The following CIT variants were observed in gnomAD, a reference collection of about 807,000 sequenced individuals.
CIT encodes citron Rho-interacting kinase.
A neutral mutation model predicts 272.7 loss-of-function variants in CIT; 79 were observed. The ratio of observed to expected loss-of-function variants is 0.29; its 90% CI spans 0.24 to 0.35. CIT has a LOEUF of 0.35. Among genes scored for constraint, CIT ranks in the 10% least tolerant of loss-of-function variants. The pLI, the probability that CIT is intolerant of heterozygous loss-of-function variation, is 1.00. For missense variants in CIT, 1,909 were observed against 2,618.3 expected (o/e 0.73, Z 5.91); for synonymous variants, 948 against 995.6 (o/e 0.95, Z 0.90).
chr12:119,832,529 C>G (rs1458839179), intron 7 of CIT, among the ~76,000 whole-genome samples: 1 of 152,098 alleles, frequency 6.6e-6, no homozygotes, highest in Admixed American at 6.5e-5. Flanking sequence ...AAGCATTTTC[C>G]TTTATTTCTA....
At chr12:119,761,621 A>C (rs79764375) in intron 19 of CIT, among the ~76,000 whole-genome samples, 8,775 of 152,278 alleles carry the variant, frequency 0.058, 396 homozygotes, top group African/African-American at 0.13. Flanking sequence ...TTTGGCCACC[A>C]ATAACGTAGG....
Position 119,742,866 on chromosome 12 carries a change from G to GACACAC in CIT, c.2905-408_2905-403dup, listed in dbSNP as rs56003708. ...CTGACTCCTCCCCAGCCTACTCCCT[G>GACACAC]ACACACACACACACACACACACACA... On this transcript the variant is annotated intron_variant, in intron 23 of 47. Coordinates refer to ENST00000392521, the MANE Select transcript of CIT (RefSeq NM_001206999.2). The GACACAC allele has an allele frequency of 3.8e-3, 580 of 151,842 alleles. 2 individuals are homozygous for GACACAC. Among genetic ancestry groups the GACACAC allele is most frequent in the African/African-American group, 8.7e-3 (353 of 40,524 alleles). The allele number at this position is 151,842 out of a possible 1,614,324, so 9.4% of individuals were successfully genotyped here. A position where few individuals can be genotyped will look rare whatever the true frequency, so the allele number is the denominator to read the frequency against.
At chr12:119,689,666 CTTTTTTTTTTTT>C (rs531946559) in intron 47 of CIT, among the ~76,000 whole-genome samples, 3,741 of 75,204 alleles carry the variant, frequency 0.05, 246 homozygotes, top group African/African-American at 0.16. Context: ...TTAGGAAGCT[CTTTTTTTTTTTT>C]TTTTTTTTTT....
At chr12:119,875,724 G>A (rs568167939) in intron 2 of CIT, among the ~76,000 whole-genome samples, 1 of 152,286 alleles carries the variant, frequency 6.6e-6, no homozygotes, top group African/African-American at 2.4e-5. Context: ...GTTCATGCCT[G>A]TAATCCCAGC....
chr12:119,781,984 G>C (rs1964335216), intron 13 of CIT, among the ~76,000 whole-genome samples: 1 of 152,042 alleles, frequency 6.6e-6, no homozygotes, highest in African/African-American at 2.4e-5. Flanking sequence ...CATGGTCTCT[G>C]TAACAACCAC....
At chr12:119,848,893 G>T (rs935797735) in intron 5 of CIT, among the ~76,000 whole-genome samples, 2 of 152,008 alleles carry the variant, frequency 1.3e-5, no homozygotes, top group African/African-American at 4.8e-5. Flanking sequence ...AGGCACAGTG[G>T]TGTATGCCCG....
rs10699099 is a variant in CIT at position 119,717,838 on chromosome 12, C to CTTTTTTTTTTTTTTTTTTTTTTTTTTTT, written c.4168+406_4168+407insAAAAAAAAAAAAAAAAAAAAAAAAAAAA. ...GGGGAGCCAGGAGACTGACTTCTTT[C>CTTTTTTTTTTTTTTTTTTTTTTTTTTTT]TTTTTTTTTTTTTTTTTTTTGAGAT... On this transcript the variant is annotated intron_variant, in intron 32 of 47. Coordinates refer to ENST00000392521, the MANE Select transcript of CIT (RefSeq NM_001206999.2). Among the ~76,000 whole-genome samples the CTTTTTTTTTTTTTTTTTTTTTTTTTTTT allele has an allele frequency of 9.1e-4, 74 of 81,348 alleles. 15 individuals carry two copies. The highest frequency in any genetic ancestry group is 1.2e-3 in the Non-Finnish European group (51 of 44,326). The allele number at this position is 81,348 out of a possible 152,430, so 53.4% of individuals were successfully genotyped here. A position where few individuals can be genotyped will look rare whatever the true frequency, so the allele number is the denominator to read the frequency against.
intron 20 of CIT, 91 bp from the exon 21 acceptor site, chr12:119,758,791 C>T (rs980550746): frequency 1.3e-4 from 110 of 855,336 alleles, no homozygotes; most frequent in African/African-American, 1.2e-3. Flanking sequence ...TCTGAAATGA[C>T]GGCAATTTGG....
In CIT at chr12:119,721,445, G is replaced by A. The variant is rs1957810302; in HGVS notation, c.3596C>T (p.Ala1199Val). 1 of 1,604,374 alleles carries A rather than the reference G, an allele frequency of 6.2e-7. No individual in the cohort carries two copies. The highest frequency in any genetic ancestry group is 8.5e-7 in the Non-Finnish European group (1 of 1,172,172). ...ELKQRLLEEQ[A>V]KLQQQMDLQK... The stretch of plus-strand genomic sequence containing the variant: ...CAGGTCCATCTGCTGCTGTAATTTG[G>A]CTTGCTAGTGGGGAGAAGGGCCAGG... Residue 1199 changes from alanine to valine, a missense_variant, in exon 29 of 48, where the codon GCC becomes GTC. Physicochemically the swap from Ala to Val is moderately conservative, Grantham distance 64. Transcript: ENST00000392521.
chr12:119,727,664 C>T (rs1464969074), intron 28 of CIT, among the ~76,000 whole-genome samples: 1 of 152,158 alleles, frequency 6.6e-6, no homozygotes, highest in African/African-American at 2.4e-5. Context: ...GGGACTCATG[C>T]CTGTAACCCC....
At chr12:119,872,737 C>T (rs768797856) in intron 2 of CIT, among the ~76,000 whole-genome samples, 8 of 152,156 alleles carry the variant, frequency 5.3e-5, no homozygotes, top group Non-Finnish European at 8.8e-5. Context: ...CAAAACCCAA[C>T]GTGTATGATC....
chr12:119,754,968 T>C (rs1331900016), intron 22 of CIT, among the ~76,000 whole-genome samples: 1 of 151,952 alleles, frequency 6.6e-6, no homozygotes, highest in Admixed American at 6.6e-5. Context: ...TCCATCTGGA[T>C]TGTTTAGACT....
chr12:119,758,544 G>A (rs1251563200), intron 21 of CIT, 47 bp downstream of exon 21: 1 of 1,216,666 alleles, frequency 8.2e-7, no homozygotes, highest in African/African-American at 1.5e-5. Context: ...CACAGGAGAG[G>A]AGACCAAAGT....
At chr12:119,741,708 C>T (rs1042961498) in intron 24 of CIT, among the ~76,000 whole-genome samples, 1 of 151,824 alleles carries the variant, frequency 6.6e-6, no homozygotes, top group African/African-American at 2.4e-5. Flanking sequence ...GACAAAAAGG[C>T]CAAAGAAAAG....
intron 9 of CIT, among the ~76,000 whole-genome samples, chr12:119,811,397 C>T (rs1444427727): frequency 6.6e-6 from 1 of 152,194 alleles, no homozygotes; most frequent in Non-Finnish European, 1.5e-5. Context: ...CTCTTTGCCT[C>T]CCCAAAAAGT....
chr12:119,803,271 C>G lies in CIT; in HGVS notation c.1230G>C (p.Ser410=). The part of the protein sequence containing the change: ...SPCQLSPSGF[S]GEELPFVGFS... Reference sequence around the variant, plus strand: ...ACCCCACAAACGGCAGTTCTTCACCCGAGAAGCCTGAGGGGCTCAGCTGGC... The same window carrying G: ...ACCCCACAAACGGCAGTTCTTCACCGGAGAAGCCTGAGGGGCTCAGCTGGC... Residue 410 remains serine (S), a synonymous_variant, in exon 10 of 48, where the codon TCG becomes TCC. Coordinates refer to ENST00000392521, the MANE Select transcript of CIT (RefSeq NM_001206999.2). The G allele has an allele frequency of 6.2e-7, 1 of 1,608,852 alleles. No homozygotes were observed. The highest frequency in any genetic ancestry group is 8.5e-7 in the Non-Finnish European group (1 of 1,177,942).
At chr12:119,789,851 G>A (rs1409001847) in intron 10 of CIT, among the ~76,000 whole-genome samples, 2 of 150,772 alleles carry the variant, frequency 1.3e-5, no homozygotes, top group South Asian at 4.2e-4. Context: ...GACTACAGGC[G>A]CACGCCACCA....
intron 5 of CIT, among the ~76,000 whole-genome samples, chr12:119,840,574 G>A (rs1593919754): frequency 6.6e-6 from 1 of 152,206 alleles, no homozygotes; most frequent in East Asian, 1.9e-4. Flanking sequence ...AAGTCAATAA[G>A]AGGAATTAAT....
At chr12:119,789,977 GTGC>G (rs1363573849) in intron 10 of CIT, among the ~76,000 whole-genome samples, 1 of 151,620 alleles carries the variant, frequency 6.6e-6, no homozygotes, top group Non-Finnish European at 1.5e-5. Flanking sequence ...GCCTCCCAAA[GTGC>G]TGGGATTACA....
Sources: allele counts gnomAD v4.1 joint callset (sites outside exome capture counted in the v4.1 genomes callset), GRCh38; gene constraint gnomAD v4.1.1; transcripts MANE v1.5; gene names NCBI Gene and HGNC (gene_info 2026-07-23, HGNC 2026-07-21).